Variants in FMR1 observed in about 807,000 individuals in gnomAD.
The protein encoded by FMR1 is fragile X messenger ribonucleoprotein 1, also known as FMRP translational regulator 1.
FMR1 carries 13 observed loss-of-function variants against 50.6 expected under a neutral mutation model. The observed-to-expected ratio is 0.26, with a 90% CI of 0.17 to 0.41. FMR1 has a LOEUF of 0.41. Ranked by LOEUF, FMR1 falls within the 10% of genes least tolerant of loss-of-function variation. The pLI, the probability that FMR1 is intolerant of heterozygous loss-of-function variation, is 1.00. For missense variants in FMR1, 316 were observed against 491.3 expected (o/e 0.64, Z 3.37); for synonymous variants, 138 against 164.1 (o/e 0.84, Z 1.22).
intron 15 of FMR1, 33 bp downstream of exon 15, chrX:147,945,084 A>G (rs782179825): frequency 6.0e-6 from 7 of 1,163,454 alleles, no homozygotes; most frequent in Non-Finnish European, 6.9e-6. Flanking sequence ...ATCAAAGTGA[A>G]TTGTAACAGC....
chrX:147,944,781 C>A, intron 14 of FMR1, 88 bp from the exon 15 acceptor site: 4 of 1,144,277 alleles, frequency 3.5e-6, no homozygotes, highest in Non-Finnish European at 4.6e-6. Flanking sequence ...TTTGGATTAC[C>A]CCTGAAACGT....
chrX:147,918,845 C>G (rs1374219871), intron 1 of FMR1, among the ~76,000 whole-genome samples: 1 of 110,535 alleles, frequency 9.0e-6, no homozygotes, highest in Non-Finnish European at 1.9e-5. Context: ...GAGCACTTGA[C>G]ATGTTGCAAG....
rs781858260 is a variant in FMR1 at position 147,948,765 on chromosome X, C to T, written c.1820C>T (p.Thr607Met). Residue 607 changes from threonine to methionine, a missense_variant, in exon 17 of 17, where the codon ACG (threonine) becomes ATG (methionine). Coordinates refer to ENST00000370475, the MANE Select transcript of FMR1 (RefSeq NM_002024.6). ...TCCAGTGAAGGTAGTCGGCTGCGCA[C>T]GGGTAAAGATCGTAACCAGAAGAAA... ...NTSSEGSRLR[T>M]GKDRNQKKEK... 6.6e-5 allele frequency: 80 copies of T among 1,211,056 alleles called. No homozygotes were observed. Among genetic ancestry groups the T allele is most frequent in the Non-Finnish European group, 7.6e-5 (68 of 894,965 alleles).
At chrX:147,930,373 T>A (rs1202771312) in intron 7 of FMR1, 129 bp downstream of exon 7, 1 of 534,032 alleles carries the variant, frequency 1.9e-6, no homozygotes, top group Non-Finnish European at 3.3e-6. Flanking sequence ...GTTCTATAGT[T>A]GGAAAATTGT....
chrX:147,938,648 G>A (rs1336838539), intron 12 of FMR1, among the ~76,000 whole-genome samples: 1 of 111,793 alleles, frequency 8.9e-6, no homozygotes, highest in East Asian at 2.8e-4. Context: ...CTTAAACATA[G>A]ATGTTTATTT....
chrX:147,941,682 T>G (rs2044007374), intron 13 of FMR1, among the ~76,000 whole-genome samples: 1 of 71,770 alleles, frequency 1.4e-5, no homozygotes, highest in Non-Finnish European at 2.6e-5. Context: ...GATTTTTTTT[T>G]AAGTATGTTT....
intron 1 of FMR1, chrX:147,914,443 A>G (rs192292142): frequency 4.4e-4 from 49 of 112,482 alleles, no homozygotes; most frequent in African/African-American, 1.5e-3. Context: ...AAAACCAATG[A>G]AAAATGAACT....
At chrX:147,929,407 G>A (rs782230255) in intron 5 of FMR1, among the ~76,000 whole-genome samples, 1 of 111,043 alleles carries the variant, frequency 9.0e-6, no homozygotes, top group South Asian at 3.8e-4. Context: ...TAGAGATTGT[G>A]TATGTGTGTA....
At chrX:147,920,457 T>A in intron 1 of FMR1, among the ~76,000 whole-genome samples, 1 of 111,496 alleles carries the variant, frequency 9.0e-6, no homozygotes, top group Non-Finnish European at 1.9e-5. Context: ...AAGGGGTCAG[T>A]AGGAACCTCA....
Position 147,943,149 on chromosome X carries a change from T to G in FMR1, c.1294T>G (p.Leu432Val), listed in dbSNP as rs1557181254. ...NYLKEVDQLR[L>V]ERLQIDEQLR... ...TAAATAGGAAGTAGACCAGTTGCGT[T>G]TGGAGAGATTACAAATTGATGAGCA... The change falls in exon 14 of 17, where the codon TTG becomes GTG. Residue 432 changes from leucine (L) to valine (V), a missense_variant. Leu to Val is a conservative substitution (Grantham distance 32). Transcript: ENST00000370475. 8.3e-7 allele frequency: 1 copy of G among 1,208,583 alleles called. No individual in the cohort carries two copies. The highest frequency in any genetic ancestry group is 1.1e-6 in the Non-Finnish European group (1 of 892,742).
chrX:147,911,922 A>C lies in FMR1; in HGVS notation c.-258A>C, dbSNP rs1270490501. 1.8e-5 allele frequency: 2 copies of C among 111,220 alleles called. No homozygotes were observed. The highest frequency in any genetic ancestry group is 3.3e-5 in the African/African-American group (1 of 30,762). 9.2% of individuals were successfully genotyped at this position (111,220 alleles called of 1,213,427 possible). A position where few individuals can be genotyped will look rare whatever the true frequency, so the allele number is the denominator to read the frequency against. On this transcript the variant is annotated 5_prime_UTR_variant, in exon 1 of 17. Transcript: ENST00000370475. ...CGCAGCGGGCCGGGGGTTCGGCCTC[A>C]GTCAGGCGCTCAGCTCCGTTTCGGT...
At chrX:147,939,372 T>C (rs1242058543) in intron 12 of FMR1, among the ~76,000 whole-genome samples, 2 of 111,414 alleles carry the variant, frequency 1.8e-5, no homozygotes, top group African/African-American at 6.5e-5. Context: ...GTTCAAACTT[T>C]CCTTGTGATT....
chrX:147,913,527 A>G (rs2042700485), intron 1 of FMR1: 1 of 112,315 alleles, frequency 8.9e-6, no homozygotes, highest in South Asian at 3.7e-4. Context: ...TGTTTCAGAC[A>G]GGACACGTTT....
intron 9 of FMR1, 21 bp from the exon 10 acceptor site, chrX:147,936,483 C>G (rs2043795092): frequency 9.4e-7 from 1 of 1,064,660 alleles, no homozygotes; most frequent in Non-Finnish European, 1.3e-6. Flanking sequence ...TAAAACCAAA[C>G]TTGATTTATT....
chrX:147,917,255 G>A (rs1388856949), intron 1 of FMR1, among the ~76,000 whole-genome samples: 2 of 111,920 alleles, frequency 1.8e-5, no homozygotes, highest in Non-Finnish European at 3.8e-5. Context: ...GGAATGTGAG[G>A]TGTCGCTGGG....
chrX:147,933,328 G>C, intron 9 of FMR1: 3 of 500,585 alleles, frequency 6.0e-6, no homozygotes, highest in Non-Finnish European at 9.0e-6. Context: ...GGGACTTTAT[G>C]ATTTGAAATA....
At chrX:147,928,192 G>C in intron 3 of FMR1, 130 bp from the exon 4 acceptor site, 1 of 549,127 alleles carries the variant, frequency 1.8e-6, no homozygotes, top group Non-Finnish European at 3.1e-6. Context: ...CAATTTGGTT[G>C]AGGATATATG....
At chrX:147,934,680 T>C (rs975016904) in intron 9 of FMR1, among the ~76,000 whole-genome samples, 1 of 112,174 alleles carries the variant, frequency 8.9e-6, no homozygotes, top group African/African-American at 3.2e-5. Context: ...GAAAGACTGC[T>C]AAAAGTAAAT....
intron 1 of FMR1, among the ~76,000 whole-genome samples, chrX:147,918,554 G>GTTTTTTTTT (rs2042989205): frequency 5.3e-5 from 1 of 18,751 alleles, no homozygotes; most frequent in African/African-American, 3.0e-4. Flanking sequence ...GCCTGCAAAA[G>GTTTTTTTTT]CTTTTTTTTT....
Sources: allele counts gnomAD v4.1 joint callset (sites outside exome capture counted in the v4.1 genomes callset), GRCh38; gene constraint gnomAD v4.1.1; transcripts MANE v1.5; gene names NCBI Gene and HGNC (gene_info 2026-07-23, HGNC 2026-07-21).